The following WDR19 variants were observed in gnomAD, a reference collection of about 807,000 sequenced individuals.
WDR19 encodes the protein WD repeat-containing protein 19.
In WDR19, 121 loss-of-function variants were observed where a neutral mutation model predicts 180.0. The observed-to-expected ratio is 0.67, with a 90% CI of 0.58 to 0.78. The LOEUF is 0.78. WDR19 is among the 30% of genes least tolerant of loss of function. WDR19 has a pLI of 0.00. For synonymous variants in WDR19, 497 were observed against 540.7 expected (o/e 0.92, Z 1.12); for missense variants, 1,450 against 1,640.7 (o/e 0.88, Z 2.01).
chr4:39,221,854 C>A (rs1729739403), intron 14 of WDR19, among the ~76,000 whole-genome samples: 1 of 151,992 alleles, frequency 6.6e-6, no homozygotes, highest in Admixed American at 6.6e-5. Context: ...TAATTCATTT[C>A]TTTTTATTGC....
chr4:39,255,470 A>G (rs1733655508), intron 26 of WDR19, among the ~76,000 whole-genome samples: 1 of 152,160 alleles, frequency 6.6e-6, no homozygotes, highest in Non-Finnish European at 1.5e-5. Context: ...CCCCAAGCCA[A>G]AGGAAAGACA....
At position 39,262,311 on chromosome 4, in the gene WDR19, C is replaced by A. The variant is rs914507657; in HGVS notation, c.3184-3752C>A. ...CTCTCTGTTGCCCAGGTGGCACAAT[C>A]AGAGCTCACTGCAGCCTCGACCTCC... On this transcript the variant is annotated intron_variant, in intron 28 of 36. Coordinates refer to ENST00000399820, the MANE Select transcript of WDR19 (RefSeq NM_025132.4). Among the ~76,000 whole-genome samples, 6 of 152,340 alleles carry A rather than the reference C, an allele frequency of 3.9e-5. No homozygotes were observed. The Middle Eastern group carries it at 0.014, about 345-fold the overall frequency.
intron 28 of WDR19, among the ~76,000 whole-genome samples, chr4:39,265,379 G>A (rs959656157): frequency 6.6e-6 from 1 of 152,098 alleles, no homozygotes; most frequent in African/African-American, 2.4e-5. Context: ...TCCTCAGGGA[G>A]CCGCTGCAGA....
Position 39,271,176 on chromosome 4 carries a change from C to T in WDR19, c.3483+1076C>T, listed in dbSNP as rs868187873. On this transcript the variant is annotated intron_variant, in intron 31 of 36. Transcript: ENST00000399820. ...CCTCCCAAAGTGCTGGGATTACAGGCGTGAGCCACTGTGCCCGGCCAGAAA... is the reference window on the plus strand; with the variant it reads ...CCTCCCAAAGTGCTGGGATTACAGGTGTGAGCCACTGTGCCCGGCCAGAAA... Among the ~76,000 whole-genome samples, 5 of 152,266 alleles carry T rather than the reference C, an allele frequency of 3.3e-5. No individual in the cohort carries two copies. In the South Asian group the frequency reaches 6.2e-4, roughly 19 times the overall value.
chr4:39,227,966 C>T (rs192882811), intron 15 of WDR19, among the ~76,000 whole-genome samples: 1 of 152,176 alleles, frequency 6.6e-6, no homozygotes. Context: ...CTTGTGGGTT[C>T]TCCTACAAAT....
At chr4:39,220,605 C>T (rs577181447) in intron 14 of WDR19, among the ~76,000 whole-genome samples, 2 of 95,050 alleles carry the variant, frequency 2.1e-5, no homozygotes, top group South Asian at 3.8e-4. Context: ...CTCTCTCTGT[C>T]GCCCATGCAA....
chr4:39,205,360 A>G, intron 8 of WDR19, 94 bp downstream of exon 8: 1 of 1,285,138 alleles, frequency 7.8e-7, no homozygotes, highest in Non-Finnish European at 1.1e-6. Context: ...TTTGTTTGTA[A>G]CATTCAATTC....
intron 15 of WDR19, among the ~76,000 whole-genome samples, chr4:39,226,068 A>G (rs770981187): frequency 5.9e-5 from 9 of 152,204 alleles, no homozygotes; most frequent in Non-Finnish European, 1.3e-4. Context: ...TCCTTTCTAT[A>G]ACAGGGAACT....
At chr4:39,241,776 C>T (rs1338270587) in intron 21 of WDR19, among the ~76,000 whole-genome samples, 7 of 133,500 alleles carry the variant, frequency 5.2e-5, no homozygotes, top group African/African-American at 1.7e-4. Flanking sequence ...GCCTGGGCGA[C>T]AAGAGGGAAA....
Position 39,231,848 on chromosome 4 carries a change from G to A in WDR19, c.2034G>A (p.Trp678Ter). The change falls in exon 18 of 37, where the codon TGG becomes TGA. Residue 678 changes from tryptophan (W) to a stop codon, truncating the protein, a stop_gained. Transcript: ENST00000399820. LOFTEE classifies it high-confidence loss of function. ...MCRILNDEAA[W>*]NELARACLHH... ...GGATTCTGAATGATGAGGCTGCCTG[G>A]AATGAGTTGGCCAGAGCTTGTCTAC... is the stretch of plus-strand genomic sequence containing the variant. 2 of 1,607,442 alleles carry A rather than the reference G, an allele frequency of 1.2e-6. No homozygotes were observed. Among genetic ancestry groups the A allele is most frequent in the African/African-American group, 1.3e-5 (1 of 74,946 alleles).
chr4:39,232,353 A>G (rs1730968534), intron 19 of WDR19, 81 bp downstream of exon 19: 1 of 1,184,928 alleles, frequency 8.4e-7, no homozygotes. Context: ...GGCCGGGTGC[A>G]GCCGCTCACG....
chr4:39,232,085 C>A, intron 18 of WDR19, 77 bp from the exon 19 acceptor site: 3 of 1,510,082 alleles, frequency 2.0e-6, no homozygotes, highest in Non-Finnish European at 2.7e-6. Context: ...CCACTTCCTA[C>A]TGATCAAAGT....
At chr4:39,197,664 AT>A (rs1273358003) in intron 5 of WDR19, among the ~76,000 whole-genome samples, 2 of 152,054 alleles carry the variant, frequency 1.3e-5, no homozygotes, top group Non-Finnish European at 2.9e-5. Flanking sequence ...GAAAAAAAAA[AT>A]ATATAGTTTT....
chr4:39,195,429 G>A (rs115233821), intron 5 of WDR19, among the ~76,000 whole-genome samples: 1,611 of 148,976 alleles, frequency 0.011, 30 homozygotes, highest in African/African-American at 0.037. Flanking sequence ...ATAGAAGCAA[G>A]ATTTCTAATT....
chr4:39,243,705 T>C (rs1213532835), intron 21 of WDR19, among the ~76,000 whole-genome samples: 1 of 152,236 alleles, frequency 6.6e-6, no homozygotes, highest in Non-Finnish European at 1.5e-5. Flanking sequence ...ATACAGATCA[T>C]TTCTGTCATC....
chr4:39,184,535 C>T (rs756461477), intron 1 of WDR19, among the ~76,000 whole-genome samples: 11 of 152,072 alleles, frequency 7.2e-5, no homozygotes, highest in Non-Finnish European at 1.3e-4. Context: ...GGCACCATCT[C>T]GGCTCACTGC....
chr4:39,251,661 A>G lies in WDR19; in HGVS notation c.2730-1485A>G, dbSNP rs548656213. Among the ~76,000 whole-genome samples, 464 of 152,324 alleles carry G rather than the reference A, an allele frequency of 3.0e-3. 2 individuals are homozygous for G. The Middle Eastern group carries it at 0.031, about 10-fold the overall frequency. On this transcript the variant is annotated intron_variant, in intron 24 of 36. Transcript: ENST00000399820. ...ATCTACAAAGAACTCAAACAAATTT[A>G]CAAGAAAAAAACAACCCCATCAAAA...
chr4:39,263,644 G>A (rs1393179789), intron 28 of WDR19, among the ~76,000 whole-genome samples: 5 of 152,318 alleles, frequency 3.3e-5, no homozygotes, highest in African/African-American at 9.6e-5. Context: ...AATAGGGACA[G>A]CCGGGCATGG....
At chr4:39,195,387 C>CCAA (rs1726636518) in intron 5 of WDR19, among the ~76,000 whole-genome samples, 1 of 141,872 alleles carries the variant, frequency 7.0e-6, no homozygotes, top group Non-Finnish European at 1.5e-5. Context: ...AACAAAAAAA[C>CCAA]AAACAAACAA....
Sources: allele counts gnomAD v4.1 joint callset (sites outside exome capture counted in the v4.1 genomes callset), GRCh38; gene constraint gnomAD v4.1.1; transcripts MANE v1.5; gene names NCBI Gene and HGNC (gene_info 2026-07-23, HGNC 2026-07-21).